Variants in TMEM106C observed in about 807,000 individuals in gnomAD.
The protein encoded by TMEM106C is endoplasmic reticulum membrane protein overexpressed in cancer.
TMEM106C carries 27 observed loss-of-function variants against 30.8 expected under a neutral mutation model. The observed-to-expected ratio is 0.88, with a 90% CI of 0.65 to 1.21. The LOEUF (loss-of-function observed/expected upper bound fraction) is 1.21, where lower values mean the gene tolerates loss of function less well. Ranked by LOEUF, TMEM106C falls within the 50% of genes most tolerant of loss-of-function variation. The pLI, the probability that TMEM106C is intolerant of heterozygous loss-of-function variation, is 0.00. For synonymous variants in TMEM106C, 123 were observed against 118.8 expected (o/e 1.04, Z -0.23); for missense variants, 288 against 307.8 (o/e 0.94, Z 0.48).
rs761461248 is a variant in TMEM106C, at chr12:47,968,131, A to G, written c.657-2A>G. On this transcript the variant is annotated splice_acceptor_variant, in intron 7 of 7. Transcript: ENST00000429772. LOFTEE classifies it high-confidence loss of function. ...AATTCTTCTTGGTTTTCTTTTCCCT[A>G]GAACTTCAGTGAAGATTTCATACAT... is the stretch of plus-strand genomic sequence containing the variant. The G allele has an allele frequency of 1.2e-6, 2 of 1,609,538 alleles. No homozygotes were observed. Among genetic ancestry groups the G allele is most frequent in the South Asian group, 2.2e-5 (2 of 90,962 alleles).
chr12:47,967,157 G>A, intron 6 of TMEM106C, 51 bp from the exon 7 acceptor site: 1 of 1,567,554 alleles, frequency 6.4e-7, no homozygotes, highest in South Asian at 1.1e-5. Flanking sequence ...CTCTTCTACT[G>A]AGGCTTTAAA....
intron 7 of TMEM106C, 66 bp from the exon 8 acceptor site, chr12:47,968,067 G>A: frequency 7.2e-7 from 1 of 1,388,218 alleles, no homozygotes; most frequent in Non-Finnish European, 1.0e-6. Context: ...AAATTTCCTG[G>A]GACATTTTTC....
rs777786443 is a variant in TMEM106C, at chr12:47,965,964, T to C, written c.378T>C (p.Asn126=). ...DGIKVVKVTF[N]KQDSLVILTI... The stretch of plus-strand genomic sequence containing the variant: ...TCAAAGTGGTGAAAGTCACATTTAA[T>C]AAGCAAGACTCCCTTGTAATTCTCA... The change falls in exon 4 of 8, where the codon AAT becomes AAC. Residue 126 remains asparagine, a synonymous_variant. Coordinates refer to ENST00000429772, the MANE Select transcript of TMEM106C (RefSeq NM_001143842.2). 6 of 1,614,254 alleles carry C rather than the reference T, an allele frequency of 3.7e-6. No individual in the cohort carries two copies. The Middle Eastern group carries it at 4.9e-4, about 133-fold the overall frequency.
At chr12:47,966,996 C>G in intron 6 of TMEM106C, 1 of 656,822 alleles carries the variant, frequency 1.5e-6, no homozygotes, top group South Asian at 1.9e-5. Flanking sequence ...AGCTCCAGCA[C>G]TTATGTGATG....
chr12:47,964,303 G>C lies in TMEM106C; in HGVS notation c.67G>C (p.Asp23His), dbSNP rs1938147792. ...SCRRKQEDDR[D>H]GLLAEREQEE... ...CAGGCGAAAGCAAGAAGATGACAGGGACGGTTTGCTGGCTGAACGAGAGCA... is the reference window on the plus strand; with the variant it reads ...CAGGCGAAAGCAAGAAGATGACAGGCACGGTTTGCTGGCTGAACGAGAGCA... The change falls in exon 2 of 8, where the codon GAC (aspartate) becomes CAC (histidine). Residue 23 changes from aspartate (D) to histidine (H), a missense_variant. Transcript: ENST00000429772. 2 of 1,614,052 alleles carry C rather than the reference G, an allele frequency of 1.2e-6. No individual in the cohort carries two copies. The highest frequency in any genetic ancestry group is 2.2e-5 in the South Asian group (2 of 91,062).
intron 5 of TMEM106C, 160 bp from the exon 6 acceptor site, chr12:47,966,523 C>G: frequency 2.5e-6 from 2 of 793,098 alleles, no homozygotes; most frequent in Non-Finnish European, 2.1e-6. Context: ...AAGAGGTTGG[C>G]AGTATCAATT....
At chr12:47,965,724 C>A in intron 3 of TMEM106C, 114 bp from the exon 4 acceptor site, 2 of 1,340,380 alleles carry the variant, frequency 1.5e-6, no homozygotes, top group African/African-American at 1.5e-5. Context: ...TGGTTCCTGG[C>A]TCTTGGAACT....
chr12:47,966,926 T>C (rs1347014787), intron 6 of TMEM106C, 194 bp downstream of exon 6: 7 of 649,562 alleles, frequency 1.1e-5, no homozygotes, highest in Non-Finnish European at 1.9e-5. Context: ...TATTATTTGA[T>C]ATGTGACAGA....
rs547858386 is a variant in TMEM106C, at chr12:47,965,513, G to A, written c.251+168G>A. 61 of 688,770 alleles carry A rather than the reference G, an allele frequency of 8.9e-5. 1 individual carries two copies. The South Asian group carries it at 1.1e-3, about 13-fold the overall frequency. The allele number at this position is 688,770 out of a possible 1,614,324, so 42.7% of individuals were successfully genotyped here. A position where few individuals can be genotyped will look rare whatever the true frequency, so the allele number is the denominator to read the frequency against. On this transcript the variant is annotated intron_variant, in intron 3 of 7. Transcript: ENST00000429772. Reference sequence around the variant, plus strand: ...ATATCTCTGCCCCCATCACAATCTGGGGAAAGAAACTTGAAGCTGGAAATG... The same window carrying A: ...ATATCTCTGCCCCCATCACAATCTGAGGAAAGAAACTTGAAGCTGGAAATG...
chr12:47,965,873 T>C lies in TMEM106C; in HGVS notation c.287T>C (p.Leu96Pro), dbSNP rs903395236. Residue 96 changes from leucine to proline, a missense_variant, in exon 4 of 8, where the codon CTC becomes CCC. Coordinates refer to ENST00000429772, the MANE Select transcript of TMEM106C (RefSeq NM_001143842.2). The part of the protein sequence containing the change: ...QYVLLSILLC[L>P]LASGLVVFFL... ...GTCCTCCTGTCCATCCTGCTTTGTCTCCTGGCATCTGGTTTGGTGGTTTTC... is the reference window on the plus strand; with the variant it reads ...GTCCTCCTGTCCATCCTGCTTTGTCCCCTGGCATCTGGTTTGGTGGTTTTC... 1.2e-6 allele frequency: 2 copies of C among 1,614,264 alleles called. No individual in the cohort carries two copies. Among genetic ancestry groups the C allele is most frequent in the Admixed American group, 1.7e-5 (1 of 60,032 alleles).
rs566079340 is a variant in TMEM106C at position 47,965,844 on chromosome 12, A to G, written c.258A>G (p.Gln86=). ...DQRLRPQRTK[Q]YVLLSILLCL... is the part of the protein sequence containing the mutation. Reference sequence around the variant, plus strand: ...TGTGCTGTGTCATTTGCAGTAAGCAATATGTCCTCCTGTCCATCCTGCTTT... The same window carrying G: ...TGTGCTGTGTCATTTGCAGTAAGCAGTATGTCCTCCTGTCCATCCTGCTTT... The change falls in exon 4 of 8, where the codon CAA becomes CAG. Residue 86 remains glutamine (Q), a synonymous_variant. Transcript: ENST00000429772. 1.9e-5 allele frequency: 31 copies of G among 1,614,054 alleles called. No homozygotes were observed. Among genetic ancestry groups the G allele is most frequent in the Middle Eastern group, 3.3e-4 (2 of 6,084 alleles).
Position 47,967,176 on chromosome 12 carries a change from A to AAAAAAG in TMEM106C, c.603-31_603-30insAAAAGA, listed in dbSNP as rs80192236. The stretch of plus-strand genomic sequence containing the variant: ...TCTACTGAGGCTTTAAAAAAAAAAA[A>AAAAAAG]ACTGACTATTTCCATATTTGCTGTT... On this transcript the variant is annotated intron_variant, in intron 6 of 7. Coordinates refer to ENST00000429772, the MANE Select transcript of TMEM106C (RefSeq NM_001143842.2). 57 of 1,612,314 alleles carry AAAAAAG rather than the reference A, an allele frequency of 3.5e-5. 1 individual carries two copies. The African/African-American group carries it at 7.6e-4, about 22-fold the overall frequency.
intron 6 of TMEM106C, 91 bp from the exon 7 acceptor site, chr12:47,967,117 G>T: frequency 7.5e-7 from 1 of 1,334,546 alleles, no homozygotes; most frequent in South Asian, 1.2e-5. Context: ...GGGGAGGGGG[G>T]CACCCCAAAC....
intron 6 of TMEM106C, 101 bp downstream of exon 6, chr12:47,966,833 T>C: frequency 1.5e-6 from 2 of 1,327,376 alleles, no homozygotes; most frequent in South Asian, 2.4e-5. Context: ...GATCTCAGCT[T>C]TTGACTTATA....
chr12:47,965,178 G>A, intron 2 of TMEM106C, 104 bp from the exon 3 acceptor site: 1 of 888,244 alleles, frequency 1.1e-6, no homozygotes, highest in South Asian at 1.6e-5. Context: ...TTTTTAAAAT[G>A]TCTCATTCCA....
At chr12:47,966,814 C>A in intron 6 of TMEM106C, 82 bp downstream of exon 6, 1 of 1,496,772 alleles carries the variant, frequency 6.7e-7, no homozygotes, top group South Asian at 1.1e-5. Flanking sequence ...GGGGCCTGGT[C>A]CTGCCTTAGA....
chr12:47,968,549 T>TTA lies in TMEM106C; in HGVS notation c.*322_*323dup. On this transcript the variant is annotated 3_prime_UTR_variant, in exon 8 of 8. Coordinates refer to ENST00000429772, the MANE Select transcript of TMEM106C (RefSeq NM_001143842.2). ...ATGGAAATCATAACGTGGTTCTAGG[T>TTA]TATCAAACCATGGAGTGATGTGGAG... 2.6e-6 allele frequency: 1 copy of TTA among 381,206 alleles called. No individual in the cohort carries two copies. The highest frequency in any genetic ancestry group is 5.1e-6 in the Non-Finnish European group (1 of 196,408). The allele number at this position is 381,206 out of a possible 1,614,324, so 23.6% of individuals were successfully genotyped here. A position where few individuals can be genotyped will look rare whatever the true frequency, so the allele number is the denominator to read the frequency against.
chr12:47,968,503 G>C lies in TMEM106C; in HGVS notation c.*274G>C, dbSNP rs1938325141. On this transcript the variant is annotated 3_prime_UTR_variant, in exon 8 of 8. Transcript: ENST00000429772. ...GCAGAATTTAATACAGATCTTTTCA[G>C]CTGTTCTTAGGGCATTATAAATGGA... 6 of 466,884 alleles carry C rather than the reference G, an allele frequency of 1.3e-5. No individual in the cohort carries two copies. Among genetic ancestry groups the C allele is most frequent in the South Asian group, 9.6e-5 (5 of 52,256 alleles). The allele number at this position is 466,884 out of a possible 1,614,324, so 28.9% of individuals were successfully genotyped here. A position where few individuals can be genotyped will look rare whatever the true frequency, so the allele number is the denominator to read the frequency against.
In TMEM106C at chr12:47,965,893, G is replaced by T. The variant is rs35000511; in HGVS notation, c.307G>T (p.Val103Phe). The change falls in exon 4 of 8, where the codon GTT becomes TTT. Residue 103 changes from valine to phenylalanine, a missense_variant. Physicochemically the swap from Val to Phe is conservative, Grantham distance 50. Transcript: ENST00000429772. The part of the protein sequence containing the change: ...LLCLLASGLV[V>F]FFLFPHSVLV... ...TTGTCTCCTGGCATCTGGTTTGGTGGTTTTCTTCCTGTTTCCGCATTCAGT... is the reference window on the plus strand; with the variant it reads ...TTGTCTCCTGGCATCTGGTTTGGTGTTTTTCTTCCTGTTTCCGCATTCAGT... The T allele has an allele frequency of 0.064, 103,933 of 1,614,170 alleles. 3,879 individuals are homozygous for T. Among genetic ancestry groups the T allele is most frequent in the Non-Finnish European group, 0.075 (88,590 of 1,180,008 alleles).
Sources: allele counts gnomAD v4.1 joint callset, GRCh38; gene constraint gnomAD v4.1.1; transcripts MANE v1.5; gene names NCBI Gene and HGNC (gene_info 2026-07-23, HGNC 2026-07-21).